The following MAP3K5 variants were observed in gnomAD, a reference collection of about 807,000 sequenced individuals.
The protein encoded by MAP3K5 is mitogen-activated protein kinase kinase kinase 5.
A neutral mutation model predicts 158.7 loss-of-function variants in MAP3K5; 56 were observed. The observed-to-expected ratio is 0.35, with a 90% CI of 0.28 to 0.44. The LOEUF (loss-of-function observed/expected upper bound fraction) is 0.44. Ranked by LOEUF, MAP3K5 falls within the 20% of genes least tolerant of loss-of-function variation. The pLI is 1.00. For synonymous variants in MAP3K5, 579 were observed against 601.7 expected, an observed-to-expected ratio of 0.96 and a Z score of 0.55; for missense variants, 1,294 against 1,674.8, an observed-to-expected ratio of 0.77 and a Z score of 3.97.
intron 12 of MAP3K5, among the ~76,000 whole-genome samples, chr6:136,642,094 AT>A (rs1204186417): frequency 6.8e-6 from 1 of 146,980 alleles, no homozygotes; most frequent in Non-Finnish European, 1.5e-5. Context: ...ATAAAATAAA[AT>A]TAGTGGCAGG....
At chr6:136,650,930 G>A in intron 11 of MAP3K5, 54 bp downstream of exon 11, 1 of 1,056,978 alleles carries the variant, frequency 9.5e-7, no homozygotes, top group Admixed American at 2.0e-5. Context: ...AATGCTAGAA[G>A]GGTGTAAAGT....
At chr6:136,672,765 G>A (rs535028964) in intron 7 of MAP3K5, among the ~76,000 whole-genome samples, 5 of 151,998 alleles carry the variant, frequency 3.3e-5, no homozygotes, top group Non-Finnish European at 7.4e-5. Context: ...CAAGGTAGGC[G>A]GATCACTTGA....
At chr6:136,772,098 T>TGGG (rs376876887) in intron 1 of MAP3K5, among the ~76,000 whole-genome samples, 19 of 100,158 alleles carry the variant, frequency 1.9e-4, no homozygotes, top group African/African-American at 7.0e-4. Flanking sequence ...TTAGTAGAAA[T>TGGG]GGGGGGGGGG....
chr6:136,769,097 C>G (rs1465397148), intron 1 of MAP3K5, among the ~76,000 whole-genome samples: 1 of 152,212 alleles, frequency 6.6e-6, no homozygotes, highest in East Asian at 1.9e-4. Flanking sequence ...TGGAAACAAT[C>G]CAAAGGTCCA....
chr6:136,600,723 G>A (rs894536192), intron 21 of MAP3K5, among the ~76,000 whole-genome samples: 3 of 152,184 alleles, frequency 2.0e-5, no homozygotes, highest in Middle Eastern at 3.4e-3. Context: ...CTGGTTCCTA[G>A]ATAAAGAAGC....
In MAP3K5 at chr6:136,669,302, G is replaced by A; in HGVS notation, c.1347C>T (p.Ser449=). The A allele has an allele frequency of 6.2e-7, 1 of 1,612,986 alleles. No individual in the cohort carries two copies. The highest frequency in any genetic ancestry group is 2.2e-5 in the East Asian group (1 of 44,856). The part of the protein sequence containing the change: ...LLAAGHQFES[S]FELRKVGVKL... ...AATTACCAACTTTCCGGAGCTCAAAGGAAGATTCAAACTGGTGTCCAGCTG... is the reference window on the plus strand; with the variant it reads ...AATTACCAACTTTCCGGAGCTCAAAAGAAGATTCAAACTGGTGTCCAGCTG... The change falls in exon 8 of 30, where the codon TCC becomes TCT. Residue 449 remains serine, a synonymous_variant. Transcript: ENST00000359015.
At chr6:136,590,762 G>A (rs182360689) in intron 23 of MAP3K5, among the ~76,000 whole-genome samples, 4 of 152,086 alleles carry the variant, frequency 2.6e-5, no homozygotes, top group African/African-American at 9.6e-5. Context: ...GGATGGTCTC[G>A]ATCTCCTGAC....
At chr6:136,582,895 C>T (rs1363411195) in intron 24 of MAP3K5, among the ~76,000 whole-genome samples, 1 of 152,154 alleles carries the variant, frequency 6.6e-6, no homozygotes, top group African/African-American at 2.4e-5. Context: ...CCAAGAATAA[C>T]ACAGAGGGTT....
At chr6:136,612,948 A>G (rs72979523) in intron 17 of MAP3K5, among the ~76,000 whole-genome samples, 172 bp downstream of exon 17, 1,546 of 152,362 alleles carry the variant, frequency 0.01, 7 homozygotes, top group Non-Finnish European at 0.016. Context: ...GCGTTAAGAC[A>G]TGAACATAAA....
chr6:136,693,728 G>A lies in MAP3K5; in HGVS notation c.1253+412C>T, dbSNP rs931693769. The stretch of plus-strand genomic sequence containing the variant: ...CTCTAAGATTGGCCCGGTGGCTCAC[G>A]CCTGTAATCCCAGCACTTGAGGAGG... On this transcript the variant is annotated intron_variant, in intron 7 of 29. Coordinates refer to ENST00000359015, the MANE Select transcript of MAP3K5 (RefSeq NM_005923.4). 2.6e-5 allele frequency among the ~76,000 whole-genome samples: 4 copies of A among 151,896 alleles called. No homozygotes were observed. In the South Asian group the frequency reaches 6.2e-4, roughly 24 times the overall value.
chr6:136,782,629 C>G (rs530026282), intron 1 of MAP3K5, among the ~76,000 whole-genome samples: 15 of 152,328 alleles, frequency 9.8e-5, no homozygotes, highest in Admixed American at 2.6e-4. Context: ...ACTACTGTAA[C>G]AGAAAAGGTC....
At chr6:136,583,427 A>T in intron 24 of MAP3K5, 128 bp downstream of exon 24, 2 of 859,248 alleles carry the variant, frequency 2.3e-6, no homozygotes, top group South Asian at 2.0e-5. Context: ...CGAATATCTC[A>T]CATTTTTCAT....
At position 136,744,644 on chromosome 6, in the gene MAP3K5, C is replaced by G. The variant is rs925735892; in HGVS notation, c.449-24055G>C. Among the ~76,000 whole-genome samples the G allele has an allele frequency of 2.6e-5, 4 of 151,932 alleles. No individual in the cohort carries two copies. In the South Asian group the frequency reaches 6.2e-4, roughly 24 times the overall value. On this transcript the variant is annotated intron_variant, in intron 1 of 29. Coordinates refer to ENST00000359015, the MANE Select transcript of MAP3K5 (RefSeq NM_005923.4). ...ACAGGTATCCACACCTTGCACACCCCTCACCAGCACCTACACCAGGGAGTT... is the reference window on the plus strand; with the variant it reads ...ACAGGTATCCACACCTTGCACACCCGTCACCAGCACCTACACCAGGGAGTT...
Position 136,557,455 on chromosome 6 carries a change from T to C in MAP3K5, c.*303A>G, listed in dbSNP as rs903905768. Reference sequence around the variant, plus strand: ...AAATAAACATTTGGCTGAAGTGCAATAGCTGCTGCATTAAAAATATTTCCA... The same window carrying C: ...AAATAAACATTTGGCTGAAGTGCAACAGCTGCTGCATTAAAAATATTTCCA... On this transcript the variant is annotated 3_prime_UTR_variant, in exon 30 of 30. Coordinates refer to ENST00000359015, the MANE Select transcript of MAP3K5 (RefSeq NM_005923.4). The C allele has an allele frequency of 2.6e-5, 7 of 267,612 alleles. No homozygotes were observed. Among genetic ancestry groups the C allele is most frequent in the African/African-American group, 6.8e-5 (3 of 44,386 alleles). 16.6% of individuals were successfully genotyped at this position (267,612 alleles called of 1,614,324 possible). A position where few individuals can be genotyped will look rare whatever the true frequency, so the allele number is the denominator to read the frequency against.
In MAP3K5 at chr6:136,644,132, C is replaced by T. The variant is rs186800295; in HGVS notation, c.1789-1563G>A. 3.2e-4 allele frequency among the ~76,000 whole-genome samples: 48 copies of T among 152,222 alleles called. 1 individual carries two copies. The East Asian group carries it at 9.1e-3, about 29-fold the overall frequency. ...CTGGTAAAACCCATCTTCTATCAGT[C>T]CTTTTCTGGGAACAGCTAAGTAAAA... On this transcript the variant is annotated intron_variant, in intron 11 of 29. Transcript: ENST00000359015.
intron 1 of MAP3K5, among the ~76,000 whole-genome samples, chr6:136,732,658 G>A (rs942514462): frequency 2.6e-5 from 4 of 152,198 alleles, no homozygotes; most frequent in Admixed American, 1.3e-4. Context: ...CACCACCTGA[G>A]CTTCTGCATG....
rs531618081 is a variant in MAP3K5, at chr6:136,626,622, G to A, written c.2017-3641C>T. ...TTCCTGTAGTCTAGACTTCTGCAAT[G>A]CTGTGCCTGCCACGCTGGAATTCCA... is the stretch of plus-strand genomic sequence containing the variant. On this transcript the variant is annotated intron_variant, in intron 14 of 29. Coordinates refer to ENST00000359015, the MANE Select transcript of MAP3K5 (RefSeq NM_005923.4). 3.3e-4 allele frequency among the ~76,000 whole-genome samples: 50 copies of A among 152,258 alleles called. 1 individual carries two copies. The Middle Eastern group carries it at 0.01, about 31-fold the overall frequency.
In MAP3K5 at chr6:136,753,562, A is replaced by G. The variant is rs1305055527; in HGVS notation, c.449-32973T>C. Among the ~76,000 whole-genome samples, 37 of 152,226 alleles carry G rather than the reference A, an allele frequency of 2.4e-4. 1 individual carries two copies. The highest frequency in any genetic ancestry group is 2.4e-3 in the Admixed American group (37 of 15,284). On this transcript the variant is annotated intron_variant, in intron 1 of 29. Transcript: ENST00000359015. ...TTGATAATCTTGTTAAAATACTTTA[A>G]AAAGGCATGGTATTAAATTGATGGA...
chr6:136,594,026 C>T (rs1406366324), intron 21 of MAP3K5, among the ~76,000 whole-genome samples: 1 of 152,104 alleles, frequency 6.6e-6, no homozygotes, highest in African/African-American at 2.4e-5. Flanking sequence ...GAAAGTCTCC[C>T]CAGGATGAAT....
Sources: gnomAD v4.1 joint callset for allele counts (sites outside exome capture counted in the v4.1 genomes callset) on GRCh38, gnomAD v4.1.1 for gene constraint, MANE v1.5 for transcripts, NCBI Gene and HGNC (gene_info 2026-07-23, HGNC 2026-07-21) for gene names.